Variants in TNKS observed in about 807,000 individuals in gnomAD.
TNKS encodes tankyrase.
In TNKS, 72 loss-of-function variants were observed where a neutral mutation model predicts 135.8. The observed-to-expected ratio is 0.53, with a 90% confidence interval of 0.44 to 0.64. The LOEUF (loss-of-function observed/expected upper bound fraction) is 0.64. Among genes scored for constraint, TNKS ranks in the 30% least tolerant of loss-of-function variants. The probability of loss-of-function intolerance (pLI) is 0.00; values close to 1 mark genes in which losing one functional copy is unlikely to be tolerated. For missense variants in TNKS, 1,769 were observed against 1,674.0 expected (o/e 1.06, Z -0.99); for synonymous variants, 849 against 649.3 (o/e 1.31, Z -4.68).
chr8:9,618,089 C>A (rs553873517), intron 3 of TNKS, among the ~76,000 whole-genome samples: 4 of 149,848 alleles, frequency 2.7e-5, no homozygotes, highest in Non-Finnish European at 5.9e-5. Flanking sequence ...CGGGTTCAAG[C>A]GATTCTTCTG....
intron 2 of TNKS, among the ~76,000 whole-genome samples, chr8:9,597,080 A>G (rs1281865597): frequency 6.6e-6 from 1 of 152,236 alleles, no homozygotes; most frequent in Non-Finnish European, 1.5e-5. Flanking sequence ...CTTAGCTTGC[A>G]TTTATATGGA....
At chr8:9,606,832 G>A (rs1004542570) in intron 2 of TNKS, among the ~76,000 whole-genome samples, 3 of 152,078 alleles carry the variant, frequency 2.0e-5, no homozygotes, top group Non-Finnish European at 4.4e-5. Flanking sequence ...TGTTTTAGCA[G>A]ATCACCTTAT....
chr8:9,769,478 C>T (rs967517129), intron 25 of TNKS, among the ~76,000 whole-genome samples: 9 of 152,096 alleles, frequency 5.9e-5, no homozygotes, highest in Admixed American at 4.6e-4. Context: ...ATGAATAAAC[C>T]CAATCTTAAT....
At chr8:9,557,968 C>T (rs906730629) in intron 1 of TNKS, 4 of 152,144 alleles carry the variant, frequency 2.6e-5, no homozygotes, top group Admixed American at 2.6e-4. Context: ...GGTCACTTTT[C>T]ATTTTTGTGA....
At chr8:9,656,517 G>C (rs1031760329) in intron 3 of TNKS, among the ~76,000 whole-genome samples, 1 of 152,026 alleles carries the variant, frequency 6.6e-6, no homozygotes, top group Non-Finnish European at 1.5e-5. Flanking sequence ...ACAAAGGGAA[G>C]CCCATCAGAC....
chr8:9,573,762 T>C (rs1797846107), intron 1 of TNKS, among the ~76,000 whole-genome samples: 1 of 152,240 alleles, frequency 6.6e-6, no homozygotes, highest in Non-Finnish European at 1.5e-5. Context: ...ACAGTGGTTG[T>C]AGTTTTGCTG....
rs529846978 is a variant in TNKS, at chr8:9,566,755, C to T, written c.673+10143C>T. Reference sequence around the variant, plus strand: ...TCCCGAGTAGCTGGGACTACAGGCGCCCGCCACCGCGCCCGGCTAATTTTT... The same window carrying T: ...TCCCGAGTAGCTGGGACTACAGGCGTCCGCCACCGCGCCCGGCTAATTTTT... On this transcript the variant is annotated intron_variant, in intron 1 of 26. Transcript: ENST00000310430. Among the ~76,000 whole-genome samples, 295 of 151,514 alleles carry T rather than the reference C, an allele frequency of 1.9e-3. 1 individual carries two copies. Among genetic ancestry groups the T allele is most frequent in the African/African-American group, 6.9e-3 (285 of 41,320 alleles).
At chr8:9,696,004 C>T (rs1803496864) in intron 5 of TNKS, among the ~76,000 whole-genome samples, 1 of 152,162 alleles carries the variant, frequency 6.6e-6, no homozygotes, top group South Asian at 2.1e-4. Context: ...AGTGATGTCA[C>T]ATAGGCAGTT....
At chr8:9,677,353 G>A (rs914203171) in intron 3 of TNKS, among the ~76,000 whole-genome samples, 1 of 152,178 alleles carries the variant, frequency 6.6e-6, no homozygotes, top group African/African-American at 2.4e-5. Context: ...TTGCAAAAAT[G>A]TGCCTTTTGG....
intron 3 of TNKS, among the ~76,000 whole-genome samples, chr8:9,618,697 C>G (rs1250585498): frequency 6.6e-6 from 1 of 152,016 alleles, no homozygotes; most frequent in African/African-American, 2.4e-5. Context: ...TTGGCCTTTT[C>G]TTTCTGATTG....
At chr8:9,675,362 G>A (rs1194650353) in intron 3 of TNKS, among the ~76,000 whole-genome samples, 1 of 152,144 alleles carries the variant, frequency 6.6e-6, no homozygotes, top group African/African-American at 2.4e-5. Flanking sequence ...GTACTACTTA[G>A]CACTCTGGAA....
At chr8:9,747,968 G>A (rs966688606) in intron 17 of TNKS, 56 bp from the exon 18 acceptor site, 35 of 1,505,950 alleles carry the variant, frequency 2.3e-5, no homozygotes, top group Non-Finnish European at 3.1e-5. Context: ...ATACACAATG[G>A]TGCTTTACCA....
chr8:9,764,662 G>A, intron 22 of TNKS, 54 bp from the exon 23 acceptor site: 1 of 1,406,114 alleles, frequency 7.1e-7, no homozygotes. Context: ...ACTCATCATT[G>A]TCTAGAATTA....
At chr8:9,764,235 A>G (rs1807304054) in intron 22 of TNKS, among the ~76,000 whole-genome samples, 1 of 152,096 alleles carries the variant, frequency 6.6e-6, no homozygotes, top group Non-Finnish European at 1.5e-5. Context: ...TCCCTTTAGT[A>G]GTACATTATA....
intron 1 of TNKS, among the ~76,000 whole-genome samples, chr8:9,570,855 G>C (rs1043185164): frequency 1.1e-4 from 16 of 152,160 alleles, no homozygotes; most frequent in African/African-American, 3.9e-4. Context: ...TGTAGCCCCG[G>C]CTACTAGAGA....
intron 1 of TNKS, among the ~76,000 whole-genome samples, chr8:9,572,473 T>C (rs1797791873): frequency 2.0e-5 from 3 of 152,224 alleles, no homozygotes; most frequent in Non-Finnish European, 4.4e-5. Flanking sequence ...ATATTTCCTC[T>C]CTTCCCATCC....
chr8:9,678,976 A>G (rs1802658971), intron 3 of TNKS, among the ~76,000 whole-genome samples: 2 of 152,290 alleles, frequency 1.3e-5, no homozygotes, highest in South Asian at 4.1e-4. Flanking sequence ...TTATTTACTG[A>G]AGGAACAAAC....
intron 3 of TNKS, among the ~76,000 whole-genome samples, chr8:9,643,597 A>C (rs183168195): frequency 0.012 from 1,760 of 152,190 alleles, 14 homozygotes; most frequent in African/African-American, 0.024. Context: ...TAAAAACAAC[A>C]ACCACCACCA....
intron 1 of TNKS, among the ~76,000 whole-genome samples, chr8:9,573,747 G>A (rs751430309): frequency 2.6e-5 from 4 of 152,328 alleles, no homozygotes; most frequent in African/African-American, 4.8e-5. Flanking sequence ...TAGTTCAAGT[G>A]ATGTACAGTG....
Sources: allele counts gnomAD v4.1 joint callset (sites outside exome capture counted in the v4.1 genomes callset), GRCh38; gene constraint gnomAD v4.1.1; transcripts MANE v1.5; gene names NCBI Gene and HGNC (gene_info 2026-07-23, HGNC 2026-07-21).